Variants in GPC6 observed in about 807,000 individuals in gnomAD.
GPC6 encodes glypican 6.
Under a neutral mutation model 55.2 loss-of-function variants are expected in GPC6, and 14 were observed. The ratio of observed to expected loss-of-function variants is 0.25; its 90% CI spans 0.17 to 0.40. The LOEUF is 0.40. Ranked by LOEUF, GPC6 falls within the 10% of genes least tolerant of loss-of-function variation. The probability of loss-of-function intolerance (pLI) is 1.00; values close to 1 mark genes in which losing one functional copy is unlikely to be tolerated. For synonymous variants in GPC6, 278 were observed against 259.6 expected (o/e 1.07, Z -0.68); for missense variants, 641 against 708.5 (o/e 0.90, Z 1.08).
Position 94,150,893 on chromosome 13 carries a change from A to G in GPC6, c.877+122999A>G, listed in dbSNP as rs188017220. ...TTGACAAGAAGCACCTGTAAAGCAT[A>G]TCACTGAGACCTTGGTGTTCTGTTG... On this transcript the variant is annotated intron_variant, in intron 4 of 8. Coordinates refer to ENST00000377047, the MANE Select transcript of GPC6 (RefSeq NM_005708.5). Among the ~76,000 whole-genome samples the G allele has an allele frequency of 4.2e-3, 630 of 150,372 alleles. 5 individuals are homozygous for G. Among genetic ancestry groups the G allele is most frequent in the South Asian group, 0.016 (77 of 4,686 alleles).
chr13:93,691,564 T>C (rs113077322), intron 2 of GPC6, among the ~76,000 whole-genome samples: 1,691 of 152,026 alleles, frequency 0.011, 44 homozygotes, highest in African/African-American at 0.039. Flanking sequence ...TGACTTCTTG[T>C]TTTTCCATGA....
At chr13:93,495,284 T>C (rs1880216975) in intron 1 of GPC6, among the ~76,000 whole-genome samples, 1 of 150,890 alleles carries the variant, frequency 6.6e-6, no homozygotes, top group Non-Finnish European at 1.5e-5. Flanking sequence ...TCATCTTCCA[T>C]TGTTGATACC....
At chr13:93,445,163 A>G (rs1485995596) in intron 1 of GPC6, among the ~76,000 whole-genome samples, 1 of 152,182 alleles carries the variant, frequency 6.6e-6, no homozygotes, top group Non-Finnish European at 1.5e-5. Context: ...AGGAGTTGGA[A>G]AAATATACTG....
chr13:94,099,081 A>T (rs1885761144), intron 4 of GPC6, among the ~76,000 whole-genome samples: 1 of 152,136 alleles, frequency 6.6e-6, no homozygotes, highest in African/African-American at 2.4e-5. Context: ...TAATTCACAG[A>T]GACTCTTTCT....
chr13:93,497,091 C>T (rs1880331103), intron 1 of GPC6, among the ~76,000 whole-genome samples: 1 of 152,128 alleles, frequency 6.6e-6, no homozygotes, highest in Non-Finnish European at 1.5e-5. Flanking sequence ...TGCAGCCTGA[C>T]TCTCTATGGT....
At chr13:93,765,265 C>CTGGAAAGACAACTTTCCAGATAAGCTGTA (rs1885084594) in intron 2 of GPC6, among the ~76,000 whole-genome samples, 2 of 151,972 alleles carry the variant, frequency 1.3e-5, no homozygotes, top group African/African-American at 2.4e-5. Flanking sequence ...GATAAGCTGT[C>CTGGAAAGACAACTTTCCAGATAAGCTGTA]TGGAAAGACA....
intron 2 of GPC6, among the ~76,000 whole-genome samples, chr13:93,796,759 A>G (rs1886209038): frequency 6.6e-6 from 1 of 152,172 alleles, no homozygotes; most frequent in Admixed American, 6.5e-5. Context: ...AGTACTTAGG[A>G]GAGGAATAAA....
chr13:93,397,553 G>A (rs143843401), intron 1 of GPC6, among the ~76,000 whole-genome samples: 125 of 152,146 alleles, frequency 8.2e-4, no homozygotes, highest in Non-Finnish European at 1.6e-4. Context: ...CATTTTAATT[G>A]CCTTATATTT....
At chr13:93,310,280 T>G (rs531275386) in intron 1 of GPC6, among the ~76,000 whole-genome samples, 1 of 152,290 alleles carries the variant, frequency 6.6e-6, no homozygotes, top group Admixed American at 6.5e-5. Flanking sequence ...TAAAAAACAA[T>G]GCAGCTAATT....
At position 93,305,633 on chromosome 13, in the gene GPC6, A is replaced by C. The variant is rs375138628; in HGVS notation, c.160+78017A>C. Reference sequence around the variant, plus strand: ...TATTTTTTGAATATTGTTCCATCCTAAATGTTTATTCTTTGTTACAGCTTT... The same window carrying C: ...TATTTTTTGAATATTGTTCCATCCTCAATGTTTATTCTTTGTTACAGCTTT... On this transcript the variant is annotated intron_variant, in intron 1 of 8. Transcript: ENST00000377047. 1.2e-3 allele frequency among the ~76,000 whole-genome samples: 179 copies of C among 152,224 alleles called. 1 individual carries two copies. The highest frequency in any genetic ancestry group is 3.7e-3 in the African/African-American group (155 of 41,526).
At chr13:93,827,077 T>C (rs1009175952) in intron 2 of GPC6, among the ~76,000 whole-genome samples, 10 of 152,224 alleles carry the variant, frequency 6.6e-5, no homozygotes, top group African/African-American at 1.2e-4. Flanking sequence ...TATTTTGTGA[T>C]TGAGGAAGAA....
chr13:93,503,554 C>G (rs1319955813), intron 1 of GPC6, among the ~76,000 whole-genome samples: 1 of 152,144 alleles, frequency 6.6e-6, no homozygotes, highest in Admixed American at 6.6e-5. Context: ...GACTCCTGCT[C>G]TTAGATAGCA....
At chr13:94,258,086 AC>A (rs1241836705) in intron 4 of GPC6, among the ~76,000 whole-genome samples, 1 of 152,200 alleles carries the variant, frequency 6.6e-6, no homozygotes, top group Non-Finnish European at 1.5e-5. Flanking sequence ...AATTTTACCC[AC>A]CAAGATTAAC....
At chr13:93,569,070 C>CT (rs1165727032) in intron 2 of GPC6, among the ~76,000 whole-genome samples, 1 of 152,120 alleles carries the variant, frequency 6.6e-6, no homozygotes, top group East Asian at 1.9e-4. Context: ...TAACACAAGA[C>CT]TTTTTTCAAA....
rs116800054 is a variant in GPC6 at position 93,966,690 on chromosome 13, G to A, written c.712-61039G>A. ...TTTTTTGAGATGTGGTCTCACTGTC[G>A]CCCAGGCTGAAGTACAGTGGCATGA... On this transcript the variant is annotated intron_variant, in intron 3 of 8. Transcript: ENST00000377047. Among the ~76,000 whole-genome samples, 1,146 of 126,406 alleles carry A rather than the reference G, an allele frequency of 9.1e-3. 14 individuals are homozygous for A. The highest frequency in any genetic ancestry group is 0.033 in the African/African-American group (1,073 of 32,586). 82.9% of individuals were successfully genotyped at this position (126,406 alleles called of 152,430 possible).
At chr13:93,829,696 C>T (rs1173125836) in intron 2 of GPC6, among the ~76,000 whole-genome samples, 2 of 152,074 alleles carry the variant, frequency 1.3e-5, no homozygotes, top group Non-Finnish European at 2.9e-5. Context: ...TTGAACATCT[C>T]ATTTATGGAC....
At position 94,404,555 on chromosome 13, in the gene GPC6, C is replaced by G. The variant is rs1230642721; in HGVS notation, c.*1338C>G. On this transcript the variant is annotated 3_prime_UTR_variant, in exon 9 of 9. Coordinates refer to ENST00000377047, the MANE Select transcript of GPC6 (RefSeq NM_005708.5). ...TCAAGAAAGAGAACTTTTTATGTATCTAACTGTCCATTTATTAAAAATTTG... is the reference window on the plus strand; with the variant it reads ...TCAAGAAAGAGAACTTTTTATGTATGTAACTGTCCATTTATTAAAAATTTG... 6.6e-6 allele frequency: 1 copy of G among 152,152 alleles called. No individual in the cohort carries two copies. The highest frequency in any genetic ancestry group is 1.5e-5 in the Non-Finnish European group (1 of 68,036). 9.4% of individuals were successfully genotyped at this position (152,152 alleles called of 1,614,324 possible).
rs139607485 is a variant in GPC6, at chr13:93,467,435, G to C, written c.161-77828G>C. Among the ~76,000 whole-genome samples, 4 of 152,224 alleles carry C rather than the reference G, an allele frequency of 2.6e-5. No individual in the cohort carries two copies. In the East Asian group the frequency reaches 7.7e-4, roughly 29 times the overall value. ...ATTTAGTACATATGGACTCCTCGTG[G>C]AGCATGAGGCTTGTAACCAGGATGA... On this transcript the variant is annotated intron_variant, in intron 1 of 8. Coordinates refer to ENST00000377047, the MANE Select transcript of GPC6 (RefSeq NM_005708.5).
chr13:93,511,741 A>G (rs1880987147), intron 1 of GPC6, among the ~76,000 whole-genome samples: 1 of 152,012 alleles, frequency 6.6e-6, no homozygotes, highest in African/African-American at 2.4e-5. Context: ...ATTGCATTGA[A>G]TCTGTAGATT....
Sources: allele counts gnomAD v4.1 joint callset (sites outside exome capture counted in the v4.1 genomes callset), GRCh38; gene constraint gnomAD v4.1.1; transcripts MANE v1.5; gene names NCBI Gene and HGNC (gene_info 2026-07-23, HGNC 2026-07-21).